LIMCH1: variants seen among roughly 807,000 people sequenced by gnomAD.
The protein encoded by LIMCH1 is LIM and calponin homology domains-containing protein 1.
Under a neutral mutation model 176.5 loss-of-function variants are expected in LIMCH1, and 113 were observed. The ratio of observed to expected loss-of-function variants is 0.64; its 90% CI spans 0.55 to 0.75. The LOEUF is 0.75. LIMCH1 is among the 30% of genes least tolerant of loss of function. The probability of loss-of-function intolerance (pLI) is 0.00; values close to 1 mark genes in which losing one functional copy is unlikely to be tolerated. For synonymous variants in LIMCH1, 619 were observed against 645.9 expected, an observed-to-expected ratio of 0.96 and a Z score of 0.63; for missense variants, 1,674 against 1,814.9, an observed-to-expected ratio of 0.92 and a Z score of 1.41.
At chr4:41,467,154 T>TACAC (rs1291076497) in intron 1 of LIMCH1, among the ~76,000 whole-genome samples, 3 of 92,916 alleles carry the variant, frequency 3.2e-5, no homozygotes, top group African/African-American at 1.2e-4. Context: ...TGTGTATGTA[T>TACAC]ATATACACAC....
chr4:41,684,587 G>A, intron 27 of LIMCH1, 69 bp downstream of exon 27: 2 of 1,559,836 alleles, frequency 1.3e-6, no homozygotes, highest in East Asian at 4.5e-5. Context: ...TGTCCAGAAA[G>A]CTATGATCTC....
At chr4:41,620,302 T>C (rs1269384487) in intron 6 of LIMCH1, 122 bp from the exon 7 acceptor site, 2 of 942,582 alleles carry the variant, frequency 2.1e-6, no homozygotes, top group Non-Finnish European at 3.1e-6. Context: ...CAGGATTATA[T>C]TGTGTGCTAT....
intron 1 of LIMCH1, among the ~76,000 whole-genome samples, chr4:41,569,328 TTC>T (rs1297605460): frequency 5.9e-5 from 9 of 152,124 alleles, no homozygotes; most frequent in Non-Finnish European, 8.8e-5. Flanking sequence ...CACCATGCAG[TTC>T]TCTCCTGTAG....
chr4:41,589,260 T>C (rs1037689572), intron 1 of LIMCH1, among the ~76,000 whole-genome samples: 1 of 152,190 alleles, frequency 6.6e-6, no homozygotes, highest in African/African-American at 2.4e-5. Context: ...GTTATTGTTG[T>C]TCTAGGTGAT....
At chr4:41,547,837 T>C (rs570820179) in intron 1 of LIMCH1, among the ~76,000 whole-genome samples, 1 of 135,870 alleles carries the variant, frequency 7.4e-6, no homozygotes, top group African/African-American at 2.7e-5. Context: ...ACATATAATG[T>C]TTTATGATAT....
upstream of LIMCH1, among the ~76,000 whole-genome samples, chr4:41,360,218 A>C (rs937921634): frequency 6.6e-6 from 1 of 152,208 alleles, no homozygotes; most frequent in Non-Finnish European, 1.5e-5. This position sits in a 1 kb window ranked among gnomAD's most constrained non-coding sequence, Gnocchi z 4.5. Context: ...CAAAAAGATC[A>C]GGTGGCTGTG....
intron 1 of LIMCH1, among the ~76,000 whole-genome samples, chr4:41,419,188 A>ATTTTAT (rs113387505): frequency 3.8e-5 from 3 of 78,112 alleles, no homozygotes; most frequent in African/African-American, 2.4e-4. Context: ...ATTTAATTTT[A>ATTTTAT]TTATTTTGAG....
chr4:41,661,776 G>A (rs115266042), intron 19 of LIMCH1, among the ~76,000 whole-genome samples: 220 of 152,250 alleles, frequency 1.4e-3, no homozygotes, highest in Middle Eastern at 6.8e-3. Flanking sequence ...TAATCATAAA[G>A]AATATTGTGT....
chr4:41,661,757 T>G (rs564486132), intron 19 of LIMCH1, among the ~76,000 whole-genome samples: 189 of 152,302 alleles, frequency 1.2e-3, no homozygotes, highest in Non-Finnish European at 2.2e-3. Flanking sequence ...TTTAAAATAT[T>G]TATCCCTATA....
chr4:41,419,584 T>G (rs139405755), intron 1 of LIMCH1, among the ~76,000 whole-genome samples: 5,237 of 88,956 alleles, frequency 0.059, 250 homozygotes, highest in African/African-American at 0.17. Context: ...CCTTCCTTCC[T>G]TCCTTCCTTC....
Position 41,616,837 on chromosome 4 carries a change from T to G in LIMCH1, c.206-2351T>G, listed in dbSNP as rs182269549. On this transcript the variant is annotated intron_variant, in intron 5 of 31. Coordinates refer to ENST00000503057, the MANE Select transcript of LIMCH1 (RefSeq NM_001330672.2). ...CCCTGAAGTATAGAAGATTTAAGTA[T>G]CCCAGGGTCACACAGCTAGTAGATG... Among the ~76,000 whole-genome samples, 1,199 of 152,216 alleles carry G rather than the reference T, an allele frequency of 7.9e-3. 5 individuals carry two copies. Among genetic ancestry groups the G allele is most frequent in the Non-Finnish European group, 0.013 (858 of 68,008 alleles).
At chr4:41,612,794 T>C in intron 4 of LIMCH1, 3 of 927,596 alleles carry the variant, frequency 3.2e-6, no homozygotes, top group Admixed American at 2.9e-5. Context: ...AGCGAGAGCA[T>C]GCCTGGATTC....
intron 1 of LIMCH1, among the ~76,000 whole-genome samples, chr4:41,460,566 G>T (rs576946706): frequency 1.3e-5 from 2 of 150,778 alleles, no homozygotes; most frequent in African/African-American, 4.9e-5. Flanking sequence ...ATTTAGGTGT[G>T]TTGGTTATAC....
chr4:41,487,018 G>A (rs1465329946), intron 1 of LIMCH1, among the ~76,000 whole-genome samples: 2 of 129,792 alleles, frequency 1.5e-5, no homozygotes, highest in Non-Finnish European at 3.3e-5. Context: ...ATATACACAC[G>A]TACATATATA....
intron 1 of LIMCH1, among the ~76,000 whole-genome samples, chr4:41,472,414 CT>C (rs1248080498): frequency 4.1e-5 from 6 of 148,124 alleles, no homozygotes; most frequent in Non-Finnish European, 7.5e-5. Context: ...TCTTTCCTTC[CT>C]ACTTTCTTCT....
chr4:41,661,581 G>T (rs2094621426), intron 19 of LIMCH1, 71 bp downstream of exon 19: 4 of 1,146,926 alleles, frequency 3.5e-6, no homozygotes, highest in Non-Finnish European at 5.2e-6. Context: ...AAATAGTCAA[G>T]AATTTTTCCT....
At chr4:41,594,948 T>C (rs1285558071) in intron 1 of LIMCH1, among the ~76,000 whole-genome samples, 2 of 152,226 alleles carry the variant, frequency 1.3e-5, no homozygotes, top group Non-Finnish European at 2.9e-5. Flanking sequence ...ACTCAGCCTT[T>C]GCTTTCCTCT....
intron 21 of LIMCH1, among the ~76,000 whole-genome samples, chr4:41,669,777 A>G (rs1282403008): frequency 6.6e-6 from 1 of 152,176 alleles, no homozygotes; most frequent in Non-Finnish European, 1.5e-5. Flanking sequence ...GAAATGGGGG[A>G]GGCATAGGTC....
Position 41,412,462 on chromosome 4 carries a change from C to T in LIMCH1, c.96+51526C>T, listed in dbSNP as rs148275451. Among the ~76,000 whole-genome samples the T allele has an allele frequency of 2.8e-3, 427 of 152,012 alleles. 2 individuals are homozygous for T. Among genetic ancestry groups the T allele is most frequent in the African/African-American group, 9.7e-3 (402 of 41,458 alleles). Reference sequence around the variant, plus strand: ...GAGGTTACTTAAGGATACTAAGTGACATGAGGTTTTATAGTCATAGGGGGA... The same window carrying T: ...GAGGTTACTTAAGGATACTAAGTGATATGAGGTTTTATAGTCATAGGGGGA... On this transcript the variant is annotated intron_variant, in intron 1 of 26. Transcript: ENST00000313860.
Sources: allele counts gnomAD v4.1 joint callset (sites outside exome capture counted in the v4.1 genomes callset), GRCh38; gene constraint gnomAD v4.1.1; non-coding constraint Gnocchi (gnomAD v3.1); transcripts MANE v1.5; gene names NCBI Gene and HGNC (gene_info 2026-07-23, HGNC 2026-07-21).